RASSF3: variants seen among roughly 807,000 people sequenced by gnomAD.
The protein encoded by RASSF3 is ras association domain-containing protein 3.
RASSF3 carries 19 observed loss-of-function variants against 19.9 expected under a neutral mutation model. That is an observed-to-expected ratio of 0.96 (90% CI 0.67 to 1.40). The LOEUF (loss-of-function observed/expected upper bound fraction) is 1.40, where lower values mean the gene tolerates loss of function less well. Ranked by LOEUF, RASSF3 falls within the 40% of genes most tolerant of loss-of-function variation. RASSF3 has a pLI of 0.00. For synonymous variants in RASSF3, 110 were observed against 104.2 expected (o/e 1.06, Z -0.34); for missense variants, 306 against 289.8 (o/e 1.06, Z -0.41).
chr12:64,519,041 T>C (rs1376014780), intron 1 of RASSF3, among the ~76,000 whole-genome samples: 2 of 152,168 alleles, frequency 1.3e-5, no homozygotes, highest in Non-Finnish European at 2.9e-5. Flanking sequence ...AGTCACATGA[T>C]TGATCATGCA....
intron 1 of RASSF3, among the ~76,000 whole-genome samples, chr12:64,508,282 A>AGGCG (rs1441997958): frequency 2.6e-5 from 4 of 152,178 alleles, no homozygotes; most frequent in South Asian, 4.2e-4. Context: ...TGGGAGGCCG[A>AGGCG]GGCAGATGCA....
chr12:64,631,743 T>C (rs1871176730), intron 1 of RASSF3, among the ~76,000 whole-genome samples: 1 of 152,056 alleles, frequency 6.6e-6, no homozygotes, highest in African/African-American at 2.4e-5. Context: ...TTAATTTTTG[T>C]ATTTTTAGTA....
intron 1 of RASSF3, among the ~76,000 whole-genome samples, chr12:64,614,408 G>T (rs886926205): frequency 6.6e-6 from 1 of 151,422 alleles, no homozygotes; most frequent in East Asian, 2.0e-4. Flanking sequence ...GATTACAGGC[G>T]TGAGCCACCG....
chr12:64,576,527 G>T (rs1180735811), intron 2 of RASSF3, among the ~76,000 whole-genome samples: 1 of 152,138 alleles, frequency 6.6e-6, no homozygotes, highest in Non-Finnish European at 1.5e-5. Flanking sequence ...TACAAAGGAA[G>T]TAACTGATAC....
At chr12:64,508,528 C>G (rs796085266) in intron 1 of RASSF3, among the ~76,000 whole-genome samples, 6 of 143,776 alleles carry the variant, frequency 4.2e-5, no homozygotes, top group Non-Finnish European at 1.5e-5. Flanking sequence ...AAAAAAAAAA[C>G]AAAAAACAGA....
intron 1 of RASSF3, among the ~76,000 whole-genome samples, chr12:64,635,035 G>A (rs1029303290): frequency 2.7e-5 from 4 of 145,550 alleles, no homozygotes; most frequent in Admixed American, 7.0e-5. Flanking sequence ...GTGCAGTCTT[G>A]GCTCACTGCA....
intron 1 of RASSF3, among the ~76,000 whole-genome samples, chr12:64,626,468 A>G (rs1038898394): frequency 2.7e-5 from 4 of 149,140 alleles, no homozygotes; most frequent in Admixed American, 2.7e-4. Flanking sequence ...AGCCTGGGCA[A>G]CAGAGTGAGA....
chr12:64,532,592 G>A (rs769251483), upstream of RASSF3, among the ~76,000 whole-genome samples: 2 of 152,032 alleles, frequency 1.3e-5, no homozygotes, highest in Non-Finnish European at 2.9e-5. Flanking sequence ...GGAGGCCGAG[G>A]TGGGAGGACT....
intron 4 of RASSF3, 38 bp downstream of exon 4, chr12:64,691,617 A>G (rs1868281414): frequency 7.7e-7 from 1 of 1,296,594 alleles, no homozygotes; most frequent in Non-Finnish European, 1.1e-6. Context: ...ACTATACAGA[A>G]CAGCTGGCCC....
At chr12:64,651,679 T>A (rs1871960013) in intron 1 of RASSF3, among the ~76,000 whole-genome samples, 1 of 152,092 alleles carries the variant, frequency 6.6e-6, no homozygotes, top group Non-Finnish European at 1.5e-5. Context: ...TGTTTTTGTT[T>A]GTTGAGACAT....
chr12:64,519,393 C>A (rs768395187), intron 1 of RASSF3, among the ~76,000 whole-genome samples: 1 of 152,024 alleles, frequency 6.6e-6, no homozygotes, highest in African/African-American at 2.4e-5. Context: ...GGTGACAGAG[C>A]AAGGCCGTCT....
chr12:64,627,314 G>T (rs1486029703), intron 1 of RASSF3, among the ~76,000 whole-genome samples: 1 of 152,170 alleles, frequency 6.6e-6, no homozygotes, highest in Non-Finnish European at 1.5e-5. Flanking sequence ...TGTGTTTGGG[G>T]ACTTGAACAA....
intron 1 of RASSF3, among the ~76,000 whole-genome samples, chr12:64,507,882 C>T (rs148814305): frequency 6.1e-4 from 93 of 152,182 alleles, no homozygotes; most frequent in African/African-American, 2.2e-3. Context: ...CTGTCCAGTC[C>T]TGCCTGACTG....
At chr12:64,646,821 G>A (rs781086091) in intron 1 of RASSF3, among the ~76,000 whole-genome samples, 2 of 151,662 alleles carry the variant, frequency 1.3e-5, no homozygotes, top group Non-Finnish European at 2.9e-5. Context: ...TTGCAGATCT[G>A]GTAATAATAA....
At chr12:64,544,572 C>T (rs563622930), downstream of RASSF3, among the ~76,000 whole-genome samples, 7 of 151,820 alleles carry the variant, frequency 4.6e-5, no homozygotes, top group South Asian at 6.3e-4. Context: ...AGCTGGGACC[C>T]GCACCACTGC....
intron 1 of RASSF3, among the ~76,000 whole-genome samples, chr12:64,655,884 G>T (rs536527150): frequency 6.6e-6 from 1 of 151,742 alleles, no homozygotes; most frequent in Non-Finnish European, 1.5e-5. Context: ...AAAATTAGCC[G>T]GGCGTGATTG....
chr12:64,579,127 C>CAA (rs555192738), intron 2 of RASSF3, among the ~76,000 whole-genome samples: 3 of 129,842 alleles, frequency 2.3e-5, no homozygotes, highest in African/African-American at 8.1e-5. Context: ...AACTCTGTCT[C>CAA]AAAAAAAAAA....
At chr12:64,590,253 C>G (rs1869896926) in intron 2 of RASSF3, among the ~76,000 whole-genome samples, 1 of 151,266 alleles carries the variant, frequency 6.6e-6, no homozygotes, top group East Asian at 1.9e-4. Context: ...AAATGGTGTT[C>G]AAGACTTAGG....
In RASSF3 at chr12:64,621,627, G is replaced by A. The variant is rs117686639; in HGVS notation, c.111+10884G>A. Among the ~76,000 whole-genome samples, 62 of 152,210 alleles carry A rather than the reference G, an allele frequency of 4.1e-4. No individual in the cohort carries two copies. The East Asian group carries it at 0.01, about 25-fold the overall frequency. ...CAAGTAGCTGGGATTATGGGCATGCGCCACTATGCGCGGCTAATTTTTGTA... is the reference window on the plus strand; with the variant it reads ...CAAGTAGCTGGGATTATGGGCATGCACCACTATGCGCGGCTAATTTTTGTA... On this transcript the variant is annotated intron_variant, in intron 1 of 4. Coordinates refer to ENST00000542104, the MANE Select transcript of RASSF3 (RefSeq NM_178169.4).
Sources: gnomAD v4.1 joint callset for allele counts (sites outside exome capture counted in the v4.1 genomes callset) on GRCh38, gnomAD v4.1.1 for gene constraint, MANE v1.5 for transcripts, NCBI Gene and HGNC (gene_info 2026-07-23, HGNC 2026-07-21) for gene names.